The following MCAT variants were observed in gnomAD, a reference collection of about 807,000 sequenced individuals.
MCAT encodes malonyl-CoA-acyl carrier protein transacylase, also known as malonyl-CoA-acyl carrier protein transacylase, mitochondrial.
Under a neutral mutation model 22.9 loss-of-function variants are expected in MCAT, and 22 were observed. The ratio of observed to expected loss-of-function variants is 0.96; its 90% CI spans 0.69 to 1.37. The LOEUF is 1.37. Among genes scored for constraint, MCAT ranks in the 40% most tolerant of loss-of-function variants. MCAT has a pLI of 0.00. For synonymous variants in MCAT, 240 were observed against 233.9 expected, an observed-to-expected ratio of 1.03 and a Z score of -0.24; for missense variants, 534 against 533.6, an observed-to-expected ratio of 1.00 and a Z score of -0.01.
At chr22:43,138,455 G>A (rs1327858632) in intron 2 of MCAT, among the ~76,000 whole-genome samples, 1 of 152,146 alleles carries the variant, frequency 6.6e-6, no homozygotes, top group Non-Finnish European at 1.5e-5. Flanking sequence ...GTGGCCTGAG[G>A]GCTGGTCGCT....
chr22:43,137,238 CTGG>C lies in MCAT; in HGVS notation c.569_571del (p.Pro190_Ser191delinsArg). On this transcript the variant is annotated inframe_deletion, in exon 3 of 4. Transcript: ENST00000290429. The stretch of plus-strand genomic sequence containing the variant: ...CTGGCCGAGGACAGACAGCATCCCA[CTGG>C]GGACAGCTTCTGAAGCTTCCTGCAT... 1 of 1,614,220 alleles carries C rather than the reference CTGG, an allele frequency of 6.2e-7. No homozygotes were observed. Among genetic ancestry groups the C allele is most frequent in the Non-Finnish European group, 8.5e-7 (1 of 1,180,048 alleles).
rs1930641368 is a variant in MCAT at position 43,137,227 on chromosome 22, A to T, written c.583T>A (p.Ser195Thr). ...TTGGACTGAGGCTGGCCGAGGACAG[A>T]CAGCATCCCACTGGGGACAGCTTCT... ...ASEAVPSGML[S>T]VLGQPQSKFN... Residue 195 changes from serine to threonine, a missense_variant, in exon 3 of 4, where the codon TCT becomes ACT. Physicochemically the swap from Ser to Thr is moderately conservative, Grantham distance 58 (BLOSUM62 1). Coordinates refer to ENST00000290429, the MANE Select transcript of MCAT (RefSeq NM_173467.5). The T allele has an allele frequency of 6.2e-7, 1 of 1,614,092 alleles. No individual in the cohort carries two copies. The highest frequency in any genetic ancestry group is 8.5e-7 in the Non-Finnish European group (1 of 1,180,048).
At chr22:43,141,315 C>T in intron 1 of MCAT, 66 bp from the exon 2 acceptor site, 1 of 1,380,392 alleles carries the variant, frequency 7.2e-7, no homozygotes, top group East Asian at 2.3e-5. Context: ...GGGCTCTGTA[C>T]CTGAGAGCTG....
At position 43,133,217 on chromosome 22, in the gene MCAT, T is replaced by C. The variant is rs764628396; in HGVS notation, c.999A>G (p.Ile333Met). 1 of 1,614,194 alleles carries C rather than the reference T, an allele frequency of 6.2e-7. No individual in the cohort carries two copies. Among genetic ancestry groups the C allele is most frequent in the Non-Finnish European group, 8.5e-7 (1 of 1,180,026 alleles). ...ACCCCCTGCCCTTTTTCCTTTCGTA[T>C]ATGGCATGCATCGTCTGCTCCCACT... ...PVKWEQTMHA[I>M]YERKKGRGFP... is the part of the protein sequence containing the mutation. Residue 333 changes from isoleucine to methionine, a missense_variant, in exon 4 of 4, where the codon ATA becomes ATG. By Grantham distance (10) the Ile-to-Met change is conservative (BLOSUM62 1). Coordinates refer to ENST00000290429, the MANE Select transcript of MCAT (RefSeq NM_173467.5).
intron 3 of MCAT, among the ~76,000 whole-genome samples, chr22:43,135,058 C>T (rs966376138): frequency 4.9e-4 from 75 of 152,372 alleles, no homozygotes; most frequent in African/African-American, 1.6e-3. Flanking sequence ...TCACAGGGGC[C>T]AGCAGTCTCC....
At position 43,132,498 on chromosome 22, in the gene MCAT, G is replaced by T. The variant is rs1347364070; in HGVS notation, c.*545C>A. ...ACAGCAGGCAATACATATCTCTTGGGTATGTCCATAAATGTGGGCCTCTGT... is the reference window on the plus strand; with the variant it reads ...ACAGCAGGCAATACATATCTCTTGGTTATGTCCATAAATGTGGGCCTCTGT... On this transcript the variant is annotated 3_prime_UTR_variant, in exon 4 of 4. Transcript: ENST00000290429. The T allele has an allele frequency of 6.1e-6, 1 of 163,824 alleles. No homozygotes were observed. Among genetic ancestry groups the T allele is most frequent in the African/African-American group, 2.4e-5 (1 of 41,632 alleles). 10.1% of individuals were successfully genotyped at this position (163,824 alleles called of 1,614,324 possible).
rs775042256 is a variant in MCAT at position 43,133,028 on chromosome 22, T to G, written c.*15A>C. 1.2e-6 allele frequency: 2 copies of G among 1,607,698 alleles called. No individual in the cohort carries two copies. The highest frequency in any genetic ancestry group is 2.2e-5 in the South Asian group (2 of 90,990). On this transcript the variant is annotated 3_prime_UTR_variant, in exon 4 of 4. Coordinates refer to ENST00000290429, the MANE Select transcript of MCAT (RefSeq NM_173467.5). ...AGGAGGACAGAGGGGGTCATCGCAT[T>G]TGAGCCCCCTGCAGTCATCTCGGGG...
intron 1 of MCAT, 23 bp downstream of exon 1, chr22:43,142,903 T>A (rs751099451): frequency 1.3e-6 from 2 of 1,493,184 alleles, no homozygotes; most frequent in South Asian, 2.7e-5. Flanking sequence ...TTCCCCCTCC[T>A]GTCACGGGGC....
rs778107188 is a variant in MCAT at position 43,133,480 on chromosome 22, G to A, written c.736C>T (p.Arg246Trp). Residue 246 changes from arginine to tryptophan, a missense_variant, in exon 4 of 4, where the codon CGG (arginine) becomes TGG (tryptophan). Coordinates refer to ENST00000290429, the MANE Select transcript of MCAT (RefSeq NM_173467.5). ...RVISGHQEAL[R>W]FLQKNSSKFH... ...TTAGAGGAATTCTTCTGGAGAAACC[G>A]TAGAGCCTGGGGAAGGAAGGAGGTT... The A allele has an allele frequency of 1.0e-5, 16 of 1,606,076 alleles. No individual in the cohort carries two copies. The highest frequency in any genetic ancestry group is 5.5e-5 in the South Asian group (5 of 90,300).
At chr22:43,139,452 A>G (rs1175599317) in intron 2 of MCAT, among the ~76,000 whole-genome samples, 1 of 151,588 alleles carries the variant, frequency 6.6e-6, no homozygotes, top group Non-Finnish European at 1.5e-5. Context: ...CTTGAGGCCA[A>G]GAGGCTGAGG....
At chr22:43,142,557 C>G (rs533581434) in intron 1 of MCAT, among the ~76,000 whole-genome samples, 4 of 151,586 alleles carry the variant, frequency 2.6e-5, no homozygotes, top group African/African-American at 9.7e-5. Context: ...GAGGCCGAGG[C>G]GGGCAGATCA....
rs771077403 is a variant in MCAT at position 43,133,194 on chromosome 22, C to T, written c.1022G>A (p.Gly341Glu). The T allele has an allele frequency of 1.2e-6, 2 of 1,614,216 alleles. No individual in the cohort carries two copies. The highest frequency in any genetic ancestry group is 1.1e-5 in the South Asian group (1 of 91,088). The change falls in exon 4 of 4, where the codon GGG (glycine) becomes GAG (glutamate). Residue 341 changes from glycine to glutamate, a missense_variant. By Grantham distance (98) the Gly-to-Glu change is moderately conservative. Coordinates refer to ENST00000290429, the MANE Select transcript of MCAT (RefSeq NM_173467.5). ...HAIYERKKGR[G>E]FPQTFEVGPG... Reference sequence around the variant, plus strand: ...GCCTACTTCGAAAGTTTGGGGGAACCCCCTGCCCTTTTTCCTTTCGTATAT... The same window carrying T: ...GCCTACTTCGAAAGTTTGGGGGAACTCCCTGCCCTTTTTCCTTTCGTATAT...
chr22:43,140,253 C>A (rs539542968), intron 2 of MCAT, among the ~76,000 whole-genome samples: 21 of 152,332 alleles, frequency 1.4e-4, no homozygotes, highest in East Asian at 1.2e-3. Flanking sequence ...TCGTGGCTCA[C>A]TGCAGCCTCA....
intron 2 of MCAT, among the ~76,000 whole-genome samples, chr22:43,137,524 C>G (rs144897176): frequency 1.3e-5 from 2 of 152,222 alleles, no homozygotes; most frequent in Non-Finnish European, 2.9e-5. Flanking sequence ...ACCCAAGGAG[C>G]TTCCTGCTAT....
chr22:43,136,431 C>T (rs776648674), intron 3 of MCAT, among the ~76,000 whole-genome samples: 1 of 152,194 alleles, frequency 6.6e-6, no homozygotes, highest in Non-Finnish European at 1.5e-5. Context: ...GGGCTCCTGC[C>T]GCTCTGCTCA....
At position 43,142,783 on chromosome 22, in the gene MCAT, A is replaced by AAC. The variant is rs1930808402; in HGVS notation, c.423+142_423+143insGT. On this transcript the variant is annotated intron_variant, in intron 1 of 3. Coordinates refer to ENST00000290429, the MANE Select transcript of MCAT (RefSeq NM_173467.5). ...GAGCGAGACTCCGTCTCAAAAAAAAAAACAAAAACAAACAAAAAAAAAAAC... is the reference window on the plus strand; with the variant it reads ...GAGCGAGACTCCGTCTCAAAAAAAAAACAACAAAAACAAACAAAAAAAAAAAC... 6.4e-6 allele frequency: 6 copies of AAC among 930,758 alleles called. No individual in the cohort carries two copies. The East Asian group carries it at 1.6e-4, about 24-fold the overall frequency. 57.7% of individuals were successfully genotyped at this position (930,758 alleles called of 1,614,324 possible).
intron 2 of MCAT, among the ~76,000 whole-genome samples, chr22:43,138,488 G>A (rs749548936): frequency 6.6e-6 from 1 of 152,204 alleles, no homozygotes; most frequent in African/African-American, 2.4e-5. Flanking sequence ...TGTAGTTCCG[G>A]CACTTTGGGA....
intron 1 of MCAT, among the ~76,000 whole-genome samples, chr22:43,142,110 G>A (rs1232182498): frequency 6.6e-6 from 1 of 152,164 alleles, no homozygotes; most frequent in Admixed American, 6.5e-5. Context: ...ACCTCACAAG[G>A]TGGTGTGAAG....
intron 1 of MCAT, among the ~76,000 whole-genome samples, chr22:43,142,657 G>A (rs1454867739): frequency 6.6e-6 from 1 of 151,834 alleles, no homozygotes; most frequent in Non-Finnish European, 1.5e-5. Context: ...ATGGTGGCGG[G>A]CGCCTGTAGT....
Sources: gnomAD v4.1 joint callset for allele counts (sites outside exome capture counted in the v4.1 genomes callset) on GRCh38, gnomAD v4.1.1 for gene constraint, MANE v1.5 for transcripts, NCBI Gene and HGNC (gene_info 2026-07-23, HGNC 2026-07-21) for gene names.